GALNT17: variants seen among roughly 807,000 people sequenced by gnomAD.
GALNT17 encodes the protein polypeptide N-acetylgalactosaminyltransferase 17.
In GALNT17, 29 loss-of-function variants were observed where a neutral mutation model predicts 63.7. The ratio of observed to expected loss-of-function variants is 0.46; its 90% confidence interval spans 0.34 to 0.62. The LOEUF is 0.62. GALNT17 is among the 20% of genes least tolerant of loss of function. The pLI is 0.01. For synonymous variants in GALNT17, 305 were observed against 318.3 expected (o/e 0.96, Z 0.45); for missense variants, 603 against 799.6 (o/e 0.75, Z 2.97).
chr7:71,381,879 C>T (rs781258772), intron 2 of GALNT17, among the ~76,000 whole-genome samples: 16 of 152,156 alleles, frequency 1.1e-4, no homozygotes, highest in Non-Finnish European at 1.9e-4. Flanking sequence ...TTGCAGCCTG[C>T]AGTGTCAGCT....
At chr7:71,701,892 T>TAG in intron 9 of GALNT17, among the ~76,000 whole-genome samples, 1 of 117,178 alleles carries the variant, frequency 8.5e-6, no homozygotes, top group African/African-American at 3.7e-5. Context: ...TATATATATA[T>TAG]ATACACATAT....
chr7:71,630,720 G>C (rs1790442890), intron 6 of GALNT17, among the ~76,000 whole-genome samples: 2 of 152,160 alleles, frequency 1.3e-5, no homozygotes, highest in Admixed American at 1.3e-4. Flanking sequence ...ATACTGAAAG[G>C]CAGGCCAGAG....
chr7:71,171,303 C>T (rs1315650457), intron 1 of GALNT17, among the ~76,000 whole-genome samples: 4 of 152,110 alleles, frequency 2.6e-5, no homozygotes, highest in Non-Finnish European at 5.9e-5. Context: ...TTGCTTGAGG[C>T]CAGGAGTTCA....
At chr7:71,314,329 G>T (rs1791463252) in intron 1 of GALNT17, among the ~76,000 whole-genome samples, 1 of 152,018 alleles carries the variant, frequency 6.6e-6, no homozygotes, top group South Asian at 2.1e-4. Flanking sequence ...ATTGGATTAG[G>T]CAATGTAAGT....
intron 1 of GALNT17, among the ~76,000 whole-genome samples, chr7:71,300,103 A>G (rs1791166548): frequency 6.6e-6 from 1 of 152,102 alleles, no homozygotes; most frequent in Non-Finnish European, 1.5e-5. Flanking sequence ...CAACCTCATA[A>G]TCCCGGCCTC....
intron 1 of GALNT17, among the ~76,000 whole-genome samples, chr7:71,289,698 A>G (rs1021708891): frequency 6.6e-6 from 1 of 152,016 alleles, no homozygotes; most frequent in African/African-American, 2.4e-5. Context: ...TGACCAAGAT[A>G]GAGAAACCCC....
rs1212019264 is a variant in GALNT17 at position 71,301,467 on chromosome 7, A to T, written c.239-34083A>T. On this transcript the variant is annotated intron_variant, in intron 1 of 10. Coordinates refer to ENST00000333538, the MANE Select transcript of GALNT17 (RefSeq NM_022479.3). ...TAAATATTGTTTAATTATTATAAAAAATAATTACTTTTTTAAAAGTAATTA... is the reference window on the plus strand; with the variant it reads ...TAAATATTGTTTAATTATTATAAAATATAATTACTTTTTTAAAAGTAATTA... Among the ~76,000 whole-genome samples the T allele has an allele frequency of 3.4e-5, 5 of 148,888 alleles. No individual in the cohort carries two copies. In the East Asian group the frequency reaches 9.7e-4, roughly 29 times the overall value.
At chr7:71,626,196 A>G (rs933238178) in intron 6 of GALNT17, among the ~76,000 whole-genome samples, 1 of 151,000 alleles carries the variant, frequency 6.6e-6, no homozygotes, top group African/African-American at 2.4e-5. Flanking sequence ...GTGAGCTGAG[A>G]TCACGCCATT....
intron 1 of GALNT17, among the ~76,000 whole-genome samples, chr7:71,268,270 G>A (rs1177740816): frequency 6.6e-6 from 1 of 152,064 alleles, no homozygotes. Context: ...GGCTAGGCAT[G>A]GTGGCTCATG....
intron 5 of GALNT17, among the ~76,000 whole-genome samples, chr7:71,490,545 G>A (rs929285731): frequency 1.3e-5 from 2 of 152,200 alleles, no homozygotes; most frequent in Non-Finnish European, 2.9e-5. Context: ...CACTTTGGGA[G>A]GCTGAGGCAG....
intron 1 of GALNT17, among the ~76,000 whole-genome samples, chr7:71,185,961 A>G (rs931332536): frequency 2.0e-5 from 3 of 152,232 alleles, no homozygotes; most frequent in Admixed American, 2.0e-4. Context: ...GTAAGCTGTT[A>G]GTAAAGGTCA....
chr7:71,247,022 G>T (rs973257864), intron 1 of GALNT17, among the ~76,000 whole-genome samples: 2 of 151,990 alleles, frequency 1.3e-5, no homozygotes, highest in African/African-American at 4.8e-5. Flanking sequence ...TGATCTACTT[G>T]CCTCAGCCTC....
At chr7:71,154,782 T>C (rs1788203131) in intron 1 of GALNT17, among the ~76,000 whole-genome samples, 1 of 150,778 alleles carries the variant, frequency 6.6e-6, no homozygotes. Context: ...TTCACTGTCT[T>C]AGCCAGGATG....
chr7:71,552,057 TA>T (rs1789088620), intron 5 of GALNT17, among the ~76,000 whole-genome samples: 1 of 130,976 alleles, frequency 7.6e-6, no homozygotes, highest in African/African-American at 2.8e-5. Context: ...TTTATTTATT[TA>T]TTTTGAGTCA....
intron 1 of GALNT17, among the ~76,000 whole-genome samples, chr7:71,139,824 C>T (rs1244854147): frequency 6.6e-6 from 1 of 152,064 alleles, no homozygotes; most frequent in Non-Finnish European, 1.5e-5. Flanking sequence ...GAAACCCCGT[C>T]TCTACTAAAA....
At chr7:71,296,508 G>A (rs914772478) in intron 1 of GALNT17, among the ~76,000 whole-genome samples, 6 of 151,826 alleles carry the variant, frequency 4.0e-5, no homozygotes, top group Admixed American at 6.6e-5. Context: ...CCAGCTACTC[G>A]GGAGGTTGAG....
At chr7:71,504,406 A>AATAG (rs1251853211) in intron 5 of GALNT17, among the ~76,000 whole-genome samples, 3 of 152,012 alleles carry the variant, frequency 2.0e-5, no homozygotes, top group African/African-American at 7.2e-5. Context: ...TAAATAAATA[A>AATAG]ATAAATAAAT....
At chr7:71,191,219 A>C (rs1298221752) in intron 1 of GALNT17, among the ~76,000 whole-genome samples, 1 of 152,188 alleles carries the variant, frequency 6.6e-6, no homozygotes, top group Non-Finnish European at 1.5e-5. Flanking sequence ...TCAGTCTTCC[A>C]CATTCACCAG....
intron 1 of GALNT17, among the ~76,000 whole-genome samples, chr7:71,175,922 T>C (rs60079904): frequency 0.022 from 3,404 of 152,126 alleles, 93 homozygotes; most frequent in African/African-American, 0.067. Context: ...CAATGTTTAT[T>C]TTTCTTACAA....
Sources: gnomAD v4.1 joint callset for allele counts (sites outside exome capture counted in the v4.1 genomes callset) on GRCh38, gnomAD v4.1.1 for gene constraint, MANE v1.5 for transcripts, NCBI Gene and HGNC (gene_info 2026-07-23, HGNC 2026-07-21) for gene names.